Variants in EYS observed in about 807,000 individuals in gnomAD.
EYS encodes the protein EGF-like photoreceptor maintenance factor, also known as protein eyes shut homolog.
In EYS, 250 loss-of-function variants were observed where a neutral mutation model predicts 282.1. The ratio of observed to expected loss-of-function variants is 0.89; its 90% CI spans 0.80 to 0.98. EYS has a LOEUF of 0.98. Among genes scored for constraint, EYS ranks in the 50% least tolerant of loss-of-function variants. EYS has a pLI of 0.00. For synonymous variants in EYS, 1,355 were observed against 1,282.9 expected, an observed-to-expected ratio of 1.06 and a Z score of -1.20; for missense variants, 4,016 against 3,709.0, an observed-to-expected ratio of 1.08 and a Z score of -2.15.
chr6:64,315,740 G>A (rs537156583), intron 29 of EYS, among the ~76,000 whole-genome samples: 7 of 144,612 alleles, frequency 4.8e-5, no homozygotes, highest in South Asian at 2.2e-4. Flanking sequence ...ATCCTGATAC[G>A]AAAACCTGGC....
At chr6:65,177,672 A>G (rs1194177133) in intron 12 of EYS, among the ~76,000 whole-genome samples, 1 of 151,912 alleles carries the variant, frequency 6.6e-6, no homozygotes, top group African/African-American at 2.4e-5. Flanking sequence ...AGATGGCTTT[A>G]ACCAGTTTCT....
chr6:63,981,022 C>G (rs1767064158), intron 35 of EYS, among the ~76,000 whole-genome samples: 1 of 151,838 alleles, frequency 6.6e-6, no homozygotes, highest in Non-Finnish European at 1.5e-5. Context: ...TTGGAAGACT[C>G]TACACTGCTC....
intron 2 of EYS, among the ~76,000 whole-genome samples, chr6:65,590,089 T>C (rs759322865): frequency 5.3e-5 from 8 of 152,072 alleles, no homozygotes; most frequent in Non-Finnish European, 1.0e-4. Flanking sequence ...TTAATAAAAT[T>C]CTATGTGTTT....
chr6:64,299,407 A>T (rs1769150580), intron 30 of EYS, among the ~76,000 whole-genome samples: 1 of 152,216 alleles, frequency 6.6e-6, no homozygotes, highest in Non-Finnish European at 1.5e-5. Flanking sequence ...ACTGAATATC[A>T]GTGTCTGAGT....
At chr6:65,511,362 T>TGA (rs1452174978) in intron 2 of EYS, among the ~76,000 whole-genome samples, 13 of 150,602 alleles carry the variant, frequency 8.6e-5, no homozygotes, top group East Asian at 1.9e-4. Flanking sequence ...TGTGTGTGTG[T>TGA]GTGTGAGAGA....
rs949763576 is a variant in EYS at position 63,825,342 on chromosome 6, G to A, written c.7229-18970C>T. ...ACCCTGGTAGTGGAAGACAAAGGGC[G>A]TATAATCTTGGGAGTTCTAGGGCCC... is the stretch of plus-strand genomic sequence containing the variant. On this transcript the variant is annotated intron_variant, in intron 36 of 42. Transcript: ENST00000503581. Among the ~76,000 whole-genome samples the A allele has an allele frequency of 9.2e-5, 14 of 152,294 alleles. No individual in the cohort carries two copies. The South Asian group carries it at 1.2e-3, about 14-fold the overall frequency.
intron 33 of EYS, among the ~76,000 whole-genome samples, chr6:64,052,487 T>G (rs1770840361): frequency 6.6e-6 from 1 of 152,192 alleles, no homozygotes; most frequent in Non-Finnish European, 1.5e-5. Flanking sequence ...CTTTCCTGCA[T>G]TTATGGAATT....
chr6:65,339,710 T>C (rs1429942136), intron 10 of EYS, among the ~76,000 whole-genome samples: 1 of 150,974 alleles, frequency 6.6e-6, no homozygotes, highest in Non-Finnish European at 1.5e-5. Context: ...CAGATTGAGT[T>C]ATTATTGAGT....
At chr6:65,563,090 C>G (rs1769127434) in intron 2 of EYS, among the ~76,000 whole-genome samples, 2 of 152,060 alleles carry the variant, frequency 1.3e-5, no homozygotes, top group South Asian at 4.1e-4. Flanking sequence ...CTTCTTTTTA[C>G]TGATAAAGAA....
chr6:65,379,264 C>T (rs973204499), intron 8 of EYS, among the ~76,000 whole-genome samples: 3 of 151,966 alleles, frequency 2.0e-5, no homozygotes, highest in African/African-American at 7.2e-5. Flanking sequence ...AAAGCTTATC[C>T]ACCACGACCA....
chr6:64,528,373 A>G (rs1777991739), intron 26 of EYS, among the ~76,000 whole-genome samples: 1 of 151,622 alleles, frequency 6.6e-6, no homozygotes, highest in African/African-American at 2.4e-5. Context: ...AGTCTCCTTT[A>G]TGGCTCTCAA....
intron 12 of EYS, among the ~76,000 whole-genome samples, chr6:65,254,221 T>G (rs1767401834): frequency 6.6e-6 from 1 of 151,832 alleles, no homozygotes; most frequent in Non-Finnish European, 1.5e-5. Context: ...CACACCCTGA[T>G]GTATATACAG....
intron 22 of EYS, among the ~76,000 whole-genome samples, chr6:64,724,137 T>C (rs1771678132): frequency 6.6e-6 from 1 of 152,118 alleles, no homozygotes; most frequent in Non-Finnish European, 1.5e-5. Flanking sequence ...TTAGTGCTGA[T>C]TTGATAGTAA....
rs1765796005 is a variant in EYS, at chr6:65,386,194, A to G, written c.1185-1694T>C. On this transcript the variant is annotated intron_variant, in intron 7 of 42. Transcript: ENST00000503581. ...GTTTTATTGATCCAAAAAAAAAAAA[A>G]AGGCCAAAGATTTTCTACTCTCAGT... 2.0e-5 allele frequency among the ~76,000 whole-genome samples: 3 copies of G among 151,614 alleles called. No individual in the cohort carries two copies. The Admixed American group carries it at 2.0e-4, about 10-fold the overall frequency.
intron 11 of EYS, among the ~76,000 whole-genome samples, chr6:65,318,631 AATTTATATATATAAT>A (rs1286226517): frequency 6.1e-5 from 9 of 147,652 alleles, no homozygotes; most frequent in Non-Finnish European, 1.2e-4. Flanking sequence ...AAATATATAT[AATTTATATATATAAT>A]ATATGTATTT....
intron 2 of EYS, among the ~76,000 whole-genome samples, chr6:65,628,422 G>C (rs1370074778): frequency 5.9e-5 from 9 of 152,206 alleles, no homozygotes; most frequent in Admixed American, 5.9e-4. Flanking sequence ...CCAGATAAGA[G>C]AATAAAAGCA....
chr6:65,488,756 A>C (rs564894295), intron 5 of EYS, among the ~76,000 whole-genome samples: 21 of 152,286 alleles, frequency 1.4e-4, no homozygotes, highest in African/African-American at 5.1e-4. Context: ...CCAAAACAGC[A>C]TGGTACTGGT....
intron 12 of EYS, among the ~76,000 whole-genome samples, chr6:65,069,131 G>T (rs780235318): frequency 1.3e-5 from 2 of 151,948 alleles, no homozygotes; most frequent in East Asian, 3.9e-4. Context: ...ACATGTGGTT[G>T]TTACTCAAGC....
intron 15 of EYS, among the ~76,000 whole-genome samples, chr6:64,913,398 A>G (rs1768061663): frequency 6.6e-6 from 1 of 151,948 alleles, no homozygotes; most frequent in South Asian, 2.1e-4. Context: ...TTCAACCCCT[A>G]CCTTTCTCCT....
Sources: allele counts gnomAD v4.1 joint callset (sites outside exome capture counted in the v4.1 genomes callset), GRCh38; gene constraint gnomAD v4.1.1; transcripts MANE v1.5; gene names NCBI Gene and HGNC (gene_info 2026-07-23, HGNC 2026-07-21).